The following ZNF318 variants were observed in gnomAD, a reference collection of about 807,000 sequenced individuals.
The protein encoded by ZNF318 is endocrine regulator.
ZNF318 carries 51 observed loss-of-function variants against 124.2 expected under a neutral mutation model. The ratio of observed to expected loss-of-function variants is 0.41; its 90% CI spans 0.33 to 0.52. The LOEUF is 0.52. ZNF318 is among the 20% of genes least tolerant of loss of function. The pLI is 0.23. For missense variants in ZNF318, 2,815 were observed against 2,811.2 expected, an observed-to-expected ratio of 1.00 and a Z score of -0.03; for synonymous variants, 1,090 against 1,040.7, an observed-to-expected ratio of 1.05 and a Z score of -0.91.
At chr6:43,353,929 G>C (rs1251995079) in intron 4 of ZNF318, among the ~76,000 whole-genome samples, 2 of 151,936 alleles carry the variant, frequency 1.3e-5, no homozygotes, top group East Asian at 3.9e-4. Context: ...CAATGAACCT[G>C]GATAATATAA....
At chr6:43,354,638 A>C in intron 4 of ZNF318, 26 bp downstream of exon 4, 1 of 1,549,556 alleles carries the variant, frequency 6.5e-7, no homozygotes, top group Non-Finnish European at 8.7e-7. Context: ...AAACTCAGGC[A>C]CAGGATACCC....
At chr6:43,356,250 A>T in intron 3 of ZNF318, 105 bp from the exon 4 acceptor site, 1 of 1,219,810 alleles carries the variant, frequency 8.2e-7, no homozygotes, top group Non-Finnish European at 1.1e-6. Context: ...AACAGGTGAG[A>T]TACAAGTATG....
chr6:43,365,487 C>T (rs750491042), intron 1 of ZNF318, 47 bp from the exon 2 acceptor site: 12 of 1,575,828 alleles, frequency 7.6e-6, no homozygotes, highest in Non-Finnish European at 1.0e-5. Context: ...GTCAAGACAT[C>T]CCTACATCCA....
intron 5 of ZNF318, among the ~76,000 whole-genome samples, chr6:43,350,304 T>C (rs1198515597): frequency 6.6e-6 from 1 of 152,036 alleles, no homozygotes; most frequent in East Asian, 1.9e-4. Flanking sequence ...GATGGAGACA[T>C]ATTGAAAGGA....
In ZNF318 at chr6:43,339,208, G is replaced by A; in HGVS notation, c.4790C>T (p.Ala1597Val). The change falls in exon 10 of 10, where the codon GCC becomes GTC. Residue 1597 changes from alanine to valine, a missense_variant. Around this residue, in one of 4 missense-constraint regions of ZNF318, gnomAD observed 927 missense variants for 820.6 expected, o/e 1.13. Transcript: ENST00000361428. This position sits in a 1 kb window ranked among gnomAD's most constrained non-coding sequence, Gnocchi z 4.2. ...AGAGAGGTTGCTATTTTCCCCATTGGCCAATGGACCACCACTTAGCTTAGT... is the reference window on the plus strand; with the variant it reads ...AGAGAGGTTGCTATTTTCCCCATTGACCAATGGACCACCACTTAGCTTAGT... ...PETKLSGGPL[A>V]NGENSNLSRT... 6.2e-7 allele frequency: 1 copy of A among 1,614,196 alleles called. No homozygotes were observed. The highest frequency in any genetic ancestry group is 8.5e-7 in the Non-Finnish European group (1 of 1,180,038).
Position 43,337,658 on chromosome 6 carries a change from C to T in ZNF318, c.6340G>A (p.Asp2114Asn), listed in dbSNP as rs983244259. Residue 2114 changes from aspartate (D) to asparagine (N), a missense_variant, in exon 10 of 10, where the codon GAC becomes AAC. Around this residue, in one of 4 missense-constraint regions of ZNF318, gnomAD observed 927 missense variants for 820.6 expected, o/e 1.13. Coordinates refer to ENST00000361428, the MANE Select transcript of ZNF318 (RefSeq NM_014345.3). The stretch of plus-strand genomic sequence containing the variant: ...CCCTCTAGGCCCCCCAAGCCACGGT[C>T]AACATTTTCTGTAAGTCCAGTTTTC... ...ILKTGLTENV[D>N]RGLGGLEGTH... The T allele has an allele frequency of 2.5e-6, 4 of 1,613,990 alleles. No homozygotes were observed. The Admixed American group carries it at 5.0e-5, about 20-fold the overall frequency.
intron 8 of ZNF318, 67 bp downstream of exon 8, chr6:43,342,045 A>T: frequency 7.4e-7 from 1 of 1,359,944 alleles, no homozygotes; most frequent in East Asian, 2.3e-5. Context: ...CTACAATGTT[A>T]GTTCAGGGAC....
At chr6:43,365,476 G>A (rs370339576) in intron 1 of ZNF318, 36 bp from the exon 2 acceptor site, 71 of 1,591,404 alleles carry the variant, frequency 4.5e-5, no homozygotes, top group Non-Finnish European at 6.0e-5. Flanking sequence ...TAGTCAATAG[G>A]GTCAAGACAT....
intron 9 of ZNF318, 127 bp downstream of exon 9, chr6:43,340,663 G>C: frequency 6.6e-7 from 1 of 1,507,170 alleles, no homozygotes; most frequent in Non-Finnish European, 9.0e-7. Flanking sequence ...CTAGGATTGA[G>C]GAGAACTTAG....
Position 43,337,188 on chromosome 6 carries a change from C to G in ZNF318, c.6810G>C (p.Gln2270His). The change falls in exon 10 of 10, where the codon CAG becomes CAC. Residue 2270 changes from glutamine (Q) to histidine (H), a missense_variant. Physicochemically the swap from Gln to His is conservative, Grantham distance 24. Around this residue, in one of 4 missense-constraint regions of ZNF318, gnomAD observed 927 missense variants for 820.6 expected, o/e 1.13. Transcript: ENST00000361428. ...PEQETTVGAI[Q>H]DHTESSVHN ...TGTGAACACTGGATTCTGTGTGGTC[C>G]TGGATGGCACCAACTGTAGTTTCCT... 2 of 1,610,902 alleles carry G rather than the reference C, an allele frequency of 1.2e-6. No homozygotes were observed.
Position 43,369,072 on chromosome 6 carries a change from G to C in ZNF318, c.294C>G (p.Leu98=). ...GSPSPPRGRR[L]FPPGPAGFRG... ...TGAAGCCGGCCGGGCCCGGCGGGAA[G>C]AGTCGTCGGCCCCGCGGTGGCGACG... Residue 98 remains leucine, a synonymous_variant, in exon 1 of 10, where the codon CTC becomes CTG. Coordinates refer to ENST00000361428, the MANE Select transcript of ZNF318 (RefSeq NM_014345.3). The C allele has an allele frequency of 7.5e-7, 1 of 1,329,472 alleles. No individual in the cohort carries two copies. The highest frequency in any genetic ancestry group is 3.1e-5 in the East Asian group (1 of 32,146). The allele number at this position is 1,329,472 out of a possible 1,614,324, so 82.4% of individuals were successfully genotyped here.
rs1386801475 is a variant in ZNF318, at chr6:43,369,524, G to T, written c.-159C>A. Reference sequence around the variant, plus strand: ...CCTCCCCTCGGCCCCGCGTCGCCCCGGGGGCCCGGCCGAGCGCGCCCCCGC... The same window carrying T: ...CCTCCCCTCGGCCCCGCGTCGCCCCTGGGGCCCGGCCGAGCGCGCCCCCGC... On this transcript the variant is annotated 5_prime_UTR_variant, in exon 1 of 10. Transcript: ENST00000361428. 1.2e-5 allele frequency: 5 copies of T among 423,334 alleles called. No homozygotes were observed. The highest frequency in any genetic ancestry group is 1.6e-5 in the Non-Finnish European group (5 of 315,642). 26.2% of individuals were successfully genotyped at this position (423,334 alleles called of 1,614,324 possible). A position where few individuals can be genotyped will look rare whatever the true frequency, so the allele number is the denominator to read the frequency against.
At chr6:43,363,736 A>G in intron 2 of ZNF318, 1 of 590,706 alleles carries the variant, frequency 1.7e-6, no homozygotes, top group Non-Finnish European at 3.0e-6. Flanking sequence ...TGAGGTGTTG[A>G]AGATTATGCC....
In ZNF318 at chr6:43,357,283, C is replaced by T. The variant is rs1779622200; in HGVS notation, c.1031G>A (p.Gly344Asp). 6.2e-7 allele frequency: 1 copy of T among 1,614,214 alleles called. No individual in the cohort carries two copies. Residue 344 changes from glycine (G) to aspartate (D), a missense_variant, in exon 3 of 10, where the codon GGT (glycine) becomes GAT (aspartate). By Grantham distance (94) the Gly-to-Asp change is moderately conservative. Transcript: ENST00000361428. ...AGGGATGGAACAGCCAGTACCACCACCATCAACTCCAACCAGCTCCTGACT... is the reference window on the plus strand; with the variant it reads ...AGGGATGGAACAGCCAGTACCACCATCATCAACTCCAACCAGCTCCTGACT... ...SLSQELVGVD[G>D]GGTGCSIPGL...
chr6:43,366,706 T>C (rs1027162345), intron 1 of ZNF318, among the ~76,000 whole-genome samples: 1 of 152,182 alleles, frequency 6.6e-6, no homozygotes, highest in Non-Finnish European at 1.5e-5. Flanking sequence ...CTCAGGATGC[T>C]GAGGTGAGAG....
Position 43,354,809 on chromosome 6 carries a change from G to A in ZNF318, c.2525C>T (p.Thr842Ile). 2 of 1,614,218 alleles carry A rather than the reference G, an allele frequency of 1.2e-6. No homozygotes were observed. Among genetic ancestry groups the A allele is most frequent in the Non-Finnish European group, 1.7e-6 (2 of 1,180,024 alleles). ...CTCTTTCTGCTTAGGCTTATCAGGA[G>A]TCACAGTGGGGATCACACGAAGATT... ...RPNLRVIPTV[T>I]PDKPKQKESL... Residue 842 changes from threonine to isoleucine, a missense_variant, in exon 4 of 10, where the codon ACT (threonine) becomes ATT (isoleucine). Transcript: ENST00000361428.
chr6:43,365,349 C>T lies in ZNF318; in HGVS notation c.491G>A (p.Arg164Gln), dbSNP rs1051215142. Reference protein sequence around the residue: ...NDHFCVSTPERRRLSDRLGSP... With the variant: ...NDHFCVSTPEQRRLSDRLGSP... ...CCCCAGCCGATCACTAAGCCGTCGC[C>T]GTTCTGGTGTGCTAACACAGAAGTG... The change falls in exon 2 of 10, where the codon CGG (arginine) becomes CAG (glutamine). Residue 164 changes from arginine (R) to glutamine (Q), a missense_variant. Physicochemically the swap from Arg to Gln is conservative, Grantham distance 43. Coordinates refer to ENST00000361428, the MANE Select transcript of ZNF318 (RefSeq NM_014345.3). 4.3e-6 allele frequency: 7 copies of T among 1,614,052 alleles called. No individual in the cohort carries two copies. Among genetic ancestry groups the T allele is most frequent in the African/African-American group, 4.0e-5 (3 of 74,924 alleles).
At chr6:43,354,194 A>G (rs1290508812) in intron 4 of ZNF318, among the ~76,000 whole-genome samples, 2 of 152,224 alleles carry the variant, frequency 1.3e-5, no homozygotes, top group Non-Finnish European at 2.9e-5. Context: ...CAGAACAAGC[A>G]AAGTTTATTT....
intron 1 of ZNF318, among the ~76,000 whole-genome samples, chr6:43,367,685 A>G (rs1287140344): frequency 2.0e-5 from 3 of 152,220 alleles, no homozygotes; most frequent in African/African-American, 7.2e-5. Flanking sequence ...GGAGAAGAAA[A>G]GGAGGTTGTG....
Sources: gnomAD v4.1 joint callset for allele counts (sites outside exome capture counted in the v4.1 genomes callset) on GRCh38, gnomAD v4.1.1 for gene constraint, gnomAD v4.1.1 regional missense constraint, Gnocchi (gnomAD v3.1) non-coding constraint, MANE v1.5 for transcripts, NCBI Gene and HGNC (gene_info 2026-07-23, HGNC 2026-07-21) for gene names.